Variants in RBFOX1 observed in about 807,000 individuals in gnomAD.
RBFOX1 encodes the protein RNA binding fox-1 homolog 1, also known as RNA binding protein fox-1 homolog 1.
Under a neutral mutation model 57.7 loss-of-function variants are expected in RBFOX1, and 8 were observed. That is an observed-to-expected ratio of 0.14 (90% CI 0.08 to 0.25). The LOEUF (loss-of-function observed/expected upper bound fraction) is 0.25, where lower values mean the gene tolerates loss of function less well. Ranked by LOEUF, RBFOX1 falls within the 10% of genes least tolerant of loss-of-function variation. The pLI, the probability that RBFOX1 is intolerant of heterozygous loss-of-function variation, is 1.00. For synonymous variants in RBFOX1, 326 were observed against 222.4 expected, an observed-to-expected ratio of 1.47 and a Z score of -4.15; for missense variants, 611 against 548.5, an observed-to-expected ratio of 1.11 and a Z score of -1.14.
intron 4 of RBFOX1, among the ~76,000 whole-genome samples, chr16:7,448,795 ATCT>A (rs2098827967): frequency 6.6e-6 from 1 of 152,046 alleles, no homozygotes; most frequent in African/African-American, 2.4e-5. Context: ...TCTTCACCTA[ATCT>A]TCTTGTAAGG....
chr16:7,479,237 C>T (rs1332402815), intron 4 of RBFOX1, among the ~76,000 whole-genome samples: 1 of 151,834 alleles, frequency 6.6e-6, no homozygotes, highest in Non-Finnish European at 1.5e-5. Flanking sequence ...AACTCTCCTG[C>T]CTCAGCCTCC....
At chr16:6,694,682 C>A (rs998868278) in intron 3 of RBFOX1, among the ~76,000 whole-genome samples, 10 of 152,248 alleles carry the variant, frequency 6.6e-5, no homozygotes, top group African/African-American at 2.2e-4. Flanking sequence ...AGCAAGATGG[C>A]CACCAGGAGC....
At chr16:6,863,901 C>A (rs1020442375) in intron 3 of RBFOX1, among the ~76,000 whole-genome samples, 3 of 151,696 alleles carry the variant, frequency 2.0e-5, no homozygotes, top group Non-Finnish European at 2.9e-5. Flanking sequence ...AGTTACCAAT[C>A]CATTGCCATT....
chr16:6,319,343 C>T (rs2081486655), intron 2 of RBFOX1, among the ~76,000 whole-genome samples: 1 of 152,072 alleles, frequency 6.6e-6, no homozygotes, highest in African/African-American at 2.4e-5. Context: ...TGCATCGGTA[C>T]CCTTTGGATT....
intron 1 of RBFOX1, among the ~76,000 whole-genome samples, chr16:6,247,395 C>T (rs777950665): frequency 2.0e-5 from 3 of 152,118 alleles, no homozygotes; most frequent in African/African-American, 4.8e-5. Context: ...TTACATCAAC[C>T]ATAAAATGAT....
At chr16:6,444,877 G>C (rs994963097) in intron 2 of RBFOX1, among the ~76,000 whole-genome samples, 3 of 152,118 alleles carry the variant, frequency 2.0e-5, no homozygotes, top group Non-Finnish European at 2.9e-5. Context: ...TCACACACAG[G>C]TTTGAAGCAG....
At chr16:6,170,915 T>C (rs1017865313) in intron 1 of RBFOX1, among the ~76,000 whole-genome samples, 1 of 152,200 alleles carries the variant, frequency 6.6e-6, no homozygotes, top group African/African-American at 2.4e-5. Flanking sequence ...GCAAAGGACA[T>C]GATGTCTTTC....
intron 2 of RBFOX1, among the ~76,000 whole-genome samples, chr16:5,512,642 G>T (rs562684634): frequency 3.3e-5 from 5 of 152,200 alleles, no homozygotes; most frequent in African/African-American, 1.2e-4. Flanking sequence ...ATAGGTTTAG[G>T]TTCATAAAAA....
chr16:7,447,491 G>T (rs186717097), intron 4 of RBFOX1, among the ~76,000 whole-genome samples: 76 of 150,296 alleles, frequency 5.1e-4, no homozygotes, highest in Admixed American at 3.4e-3. Flanking sequence ...GTGCAGAGTT[G>T]CAGAGTTAGG....
intron 4 of RBFOX1, among the ~76,000 whole-genome samples, chr16:7,422,179 C>T (rs535318896): frequency 2.0e-5 from 3 of 152,064 alleles, no homozygotes; most frequent in Non-Finnish European, 4.4e-5. Context: ...TGTGCGTGTG[C>T]TTGTGCGAGT....
At chr16:5,619,068 C>G (rs187720197) in intron 3 of RBFOX1, among the ~76,000 whole-genome samples, 1 of 152,224 alleles carries the variant, frequency 6.6e-6, no homozygotes, top group South Asian at 2.1e-4. Flanking sequence ...AGTCTATTCA[C>G]AGTCACCGTA....
intron 4 of RBFOX1, among the ~76,000 whole-genome samples, chr16:7,198,055 G>A (rs1449598945): frequency 7.9e-6 from 1 of 127,240 alleles, no homozygotes; most frequent in Non-Finnish European, 1.6e-5. Context: ...GCCCAGGCTG[G>A]AATGCCGTGG....
intron 1 of RBFOX1, among the ~76,000 whole-genome samples, chr16:6,119,641 T>C (rs973018505): frequency 6.6e-6 from 1 of 152,212 alleles, no homozygotes; most frequent in African/African-American, 2.4e-5. Flanking sequence ...ACATTTATTT[T>C]GAAGGTGAGC....
intron 4 of RBFOX1, among the ~76,000 whole-genome samples, chr16:7,281,447 T>C (rs2095541797): frequency 6.6e-6 from 1 of 152,092 alleles, no homozygotes; most frequent in Admixed American, 6.6e-5. Flanking sequence ...TCCTCTCTTC[T>C]ATAAAACACA....
intron 1 of RBFOX1, among the ~76,000 whole-genome samples, chr16:6,137,532 C>T (rs940114660): frequency 6.6e-6 from 1 of 151,794 alleles, no homozygotes; most frequent in Non-Finnish European, 1.5e-5. Context: ...TCTCGAGCTC[C>T]TGACCTCAGG....
At chr16:5,363,836 C>G (rs1467761013) in intron 1 of RBFOX1, among the ~76,000 whole-genome samples, 1 of 152,162 alleles carries the variant, frequency 6.6e-6, no homozygotes, top group East Asian at 1.9e-4. Flanking sequence ...TCTTTCATTT[C>G]TAGAGTGCAT....
chr16:7,227,347 C>G (rs938661189), intron 4 of RBFOX1, among the ~76,000 whole-genome samples: 2 of 132,992 alleles, frequency 1.5e-5, no homozygotes, highest in South Asian at 2.6e-4. Context: ...TCTTTTCTTT[C>G]CCTGCCCCCT....
At chr16:7,581,684 G>A (rs761981875) in intron 6 of RBFOX1, among the ~76,000 whole-genome samples, 5 of 152,090 alleles carry the variant, frequency 3.3e-5, no homozygotes, top group Non-Finnish European at 5.9e-5. Flanking sequence ...TGTACTACCG[G>A]TCATCAGACC....
chr16:6,754,855 T>G (rs2075534900), intron 3 of RBFOX1, among the ~76,000 whole-genome samples: 1 of 150,814 alleles, frequency 6.6e-6, no homozygotes, highest in African/African-American at 2.4e-5. Context: ...CCCTCCCCTC[T>G]CCCCCCACCC....
Sources: allele counts gnomAD v4.1 joint callset (sites outside exome capture counted in the v4.1 genomes callset), GRCh38; gene constraint gnomAD v4.1.1; transcripts MANE v1.5; gene names NCBI Gene and HGNC (gene_info 2026-07-23, HGNC 2026-07-21).